Variants in MYOF observed in about 807,000 individuals in gnomAD.
The protein encoded by MYOF is fer-1-like 3, myoferlin.
MYOF carries 244 observed loss-of-function variants against 284.2 expected under a neutral mutation model. The ratio of observed to expected loss-of-function variants is 0.86; its 90% confidence interval spans 0.77 to 0.95. The LOEUF is 0.95. Among genes scored for constraint, MYOF ranks in the 40% least tolerant of loss-of-function variants. The probability of loss-of-function intolerance (pLI) is 0.00; values close to 1 mark genes in which losing one functional copy is unlikely to be tolerated. For synonymous variants in MYOF, 904 were observed against 919.7 expected (o/e 0.98, Z 0.31); for missense variants, 2,496 against 2,560.6 (o/e 0.97, Z 0.54).
intron 17 of MYOF, among the ~76,000 whole-genome samples, chr10:93,390,179 G>C (rs932953881): frequency 2.0e-4 from 30 of 152,166 alleles, no homozygotes; most frequent in Admixed American, 1.5e-3. Flanking sequence ...AGATAAATGT[G>C]GAGCAGCGTC....
At chr10:93,366,932 CTA>C (rs1205049351) in intron 25 of MYOF, among the ~76,000 whole-genome samples, 2 of 152,090 alleles carry the variant, frequency 1.3e-5, no homozygotes, top group East Asian at 3.9e-4. Flanking sequence ...TTTTAAATAC[CTA>C]TGAAAGTCCT....
chr10:93,339,490 A>T (rs1238031231), intron 39 of MYOF, among the ~76,000 whole-genome samples: 3 of 151,604 alleles, frequency 2.0e-5, no homozygotes, highest in Admixed American at 2.0e-4. Flanking sequence ...ATTTTGACAG[A>T]GTCTCGCTCT....
chr10:93,425,933 T>C, intron 5 of MYOF, 138 bp downstream of exon 5: 1 of 778,078 alleles, frequency 1.3e-6, no homozygotes, highest in Non-Finnish European at 2.1e-6. Flanking sequence ...CAGCCCCACC[T>C]GCCTCTCGGG....
intron 1 of MYOF, among the ~76,000 whole-genome samples, chr10:93,459,593 C>A (rs1387650311): frequency 2.0e-5 from 3 of 152,170 alleles, no homozygotes; most frequent in African/African-American, 4.8e-5. Flanking sequence ...TGCCACCATG[C>A]CACAGTGCCT....
At chr10:93,426,710 G>A (rs976555417) in intron 4 of MYOF, among the ~76,000 whole-genome samples, 6 of 152,004 alleles carry the variant, frequency 3.9e-5, no homozygotes, top group Non-Finnish European at 5.9e-5. Flanking sequence ...CCAACATGGC[G>A]AAACCTTGTC....
intron 5 of MYOF, among the ~76,000 whole-genome samples, chr10:93,410,835 G>A (rs1349253607): frequency 1.3e-5 from 2 of 152,200 alleles, no homozygotes; most frequent in African/African-American, 4.8e-5. Context: ...ACAGTCACCT[G>A]TCAGTCATTC....
chr10:93,319,381 G>C (rs1475706847), intron 49 of MYOF, among the ~76,000 whole-genome samples: 3 of 152,210 alleles, frequency 2.0e-5, no homozygotes, highest in Non-Finnish European at 4.4e-5. Context: ...CAGCCAGTTT[G>C]AGTTGAGTTC....
At chr10:93,428,946 G>T (rs1026390098) in intron 4 of MYOF, among the ~76,000 whole-genome samples, 2 of 152,318 alleles carry the variant, frequency 1.3e-5, no homozygotes, top group Admixed American at 1.3e-4. Flanking sequence ...CCCCAAAAGG[G>T]TAAGAGGAAT....
rs144461915 is a variant in MYOF at position 93,407,423 on chromosome 10, CAAAAAAAAAAAA to C, written c.729+1352_729+1363del. Among the ~76,000 whole-genome samples, 4 of 38,090 alleles carry C rather than the reference CAAAAAAAAAAAA, an allele frequency of 1.1e-4. No homozygotes were observed. The Admixed American group carries it at 1.6e-3, about 16-fold the overall frequency. The allele number at this position is 38,090 out of a possible 152,430, so 25.0% of individuals were successfully genotyped here. A position where few individuals can be genotyped will look rare whatever the true frequency, so the allele number is the denominator to read the frequency against. ...AGCCTTGGCAACAGAGACTCTGTCT[CAAAAAAAAAAAA>C]AAAAAAAAAAAAAGGCCGGGTGTGG... On this transcript the variant is annotated intron_variant, in intron 7 of 53. Coordinates refer to ENST00000359263, the MANE Select transcript of MYOF (RefSeq NM_013451.4).
intron 1 of MYOF, among the ~76,000 whole-genome samples, chr10:93,476,770 T>G: frequency 6.6e-6 from 1 of 152,242 alleles, no homozygotes; most frequent in Middle Eastern, 3.4e-3. Flanking sequence ...ATATGCTAAT[T>G]AGAGGGGGGA....
chr10:93,378,693 G>GTGTGTATATA lies in MYOF; in HGVS notation c.2001+1169_2001+1170insTATATACACA. Among the ~76,000 whole-genome samples, 59 of 87,868 alleles carry GTGTGTATATA rather than the reference G, an allele frequency of 6.7e-4. 1 individual carries two copies. Among genetic ancestry groups the GTGTGTATATA allele is most frequent in the Admixed American group, 6.4e-4 (5 of 7,822 alleles). 57.6% of individuals were successfully genotyped at this position (87,868 alleles called of 152,430 possible). A position where few individuals can be genotyped will look rare whatever the true frequency, so the allele number is the denominator to read the frequency against. On this transcript the variant is annotated intron_variant, in intron 21 of 53. Coordinates refer to ENST00000359263, the MANE Select transcript of MYOF (RefSeq NM_013451.4). ...TATGTGTGTGTGTATGTGTGTGTGT[G>GTGTGTATATA]TATATATATATATATATATATATGT... is the stretch of plus-strand genomic sequence containing the variant.
intron 51 of MYOF, among the ~76,000 whole-genome samples, chr10:93,310,970 G>A (rs1189323302): frequency 6.6e-6 from 1 of 152,030 alleles, no homozygotes; most frequent in Non-Finnish European, 1.5e-5. Flanking sequence ...AGACTAACCT[G>A]AATACCACTA....
At chr10:93,453,776 T>C in intron 2 of MYOF, among the ~76,000 whole-genome samples, 1 of 152,066 alleles carries the variant, frequency 6.6e-6, no homozygotes, top group East Asian at 1.9e-4. Context: ...TCCCAGCTGC[T>C]TGGGAGGCTG....
chr10:93,391,365 C>A (rs1325284619), intron 17 of MYOF, among the ~76,000 whole-genome samples: 1 of 151,634 alleles, frequency 6.6e-6, no homozygotes, highest in Admixed American at 6.6e-5. Flanking sequence ...CTGAGGCAGA[C>A]GGATCACCTG....
At chr10:93,313,503 C>T (rs1842485114) in intron 50 of MYOF, among the ~76,000 whole-genome samples, 1 of 152,196 alleles carries the variant, frequency 6.6e-6, no homozygotes, top group South Asian at 2.1e-4. Flanking sequence ...ACACAATTTT[C>T]ACTCAACTCA....
Position 93,329,698 on chromosome 10 carries a change from C to A in MYOF, c.4948G>T (p.Gly1650Trp), listed in dbSNP as rs1006807383. The A allele has an allele frequency of 1.2e-6, 2 of 1,614,072 alleles. No individual in the cohort carries two copies. Among genetic ancestry groups the A allele is most frequent in the Non-Finnish European group, 1.7e-6 (2 of 1,180,048 alleles). Residue 1650 changes from glycine (G) to tryptophan (W), a missense_variant, in exon 44 of 54, where the codon GGG (glycine) becomes TGG (tryptophan). Gly to Trp is a radical substitution (Grantham distance 184, BLOSUM62 -2). This residue lies in a region of MYOF where 2,436 missense variants were observed against 2,480.7 expected (regional missense o/e 0.98). Coordinates refer to ENST00000359263, the MANE Select transcript of MYOF (RefSeq NM_013451.4). ...TCCTCTGGTATGCCGCAGTGGGACC[C>A]AAAGCGGGAAAGGAATCGGTTTTCC... Reference protein sequence around the residue: ...DLENRFLSRFGSHCGIPEEYC... With the variant: ...DLENRFLSRFWSHCGIPEEYC...
intron 5 of MYOF, among the ~76,000 whole-genome samples, chr10:93,421,281 C>T (rs1731999157): frequency 6.6e-6 from 1 of 152,118 alleles, no homozygotes. Flanking sequence ...GGCCAGATGT[C>T]CTGCTTATGT....
In MYOF at chr10:93,366,498, G is replaced by A. The variant is rs759812186; in HGVS notation, c.2647C>T (p.His883Tyr). The change falls in exon 26 of 54, where the codon CAT becomes TAT. Residue 883 changes from histidine (H) to tyrosine (Y), a missense_variant. This residue lies in a region of MYOF where 2,436 missense variants were observed against 2,480.7 expected (regional missense o/e 0.98). Transcript: ENST00000359263. Reference sequence around the variant, plus strand: ...TTTCCTGTGACATCAGAAAACTTATGACGTCCTACTAATCCAGAAGTACCC... The same window carrying A: ...TTTCCTGTGACATCAGAAAACTTATAACGTCCTACTAATCCAGAAGTACCC... ...KWGTSGLVGR[H>Y]KFSDVTGKIK... 1.2e-5 allele frequency: 20 copies of A among 1,613,840 alleles called. No homozygotes were observed. The South Asian group carries it at 2.2e-4, about 18-fold the overall frequency.
chr10:93,371,234 A>G (rs1243455557), intron 24 of MYOF, among the ~76,000 whole-genome samples: 1 of 152,256 alleles, frequency 6.6e-6, no homozygotes, highest in Admixed American at 6.5e-5. Flanking sequence ...TGAAAAATTC[A>G]TTGATATGGT....
Sources: allele counts gnomAD v4.1 joint callset (sites outside exome capture counted in the v4.1 genomes callset), GRCh38; gene constraint gnomAD v4.1.1; regional missense constraint gnomAD v4.1.1; transcripts MANE v1.5; gene names NCBI Gene and HGNC (gene_info 2026-07-23, HGNC 2026-07-21).